MROH1: variants seen among roughly 807,000 people sequenced by gnomAD.
MROH1 encodes maestro heat like repeat family member 1, also known as maestro heat-like repeat-containing protein family member 1.
Under a neutral mutation model 116.5 loss-of-function variants are expected in MROH1, and 117 were observed. The ratio of observed to expected loss-of-function variants is 1.00; its 90% confidence interval spans 0.86 to 1.17. The LOEUF is 1.17. Ranked by LOEUF, MROH1 falls within the 50% of genes most tolerant of loss-of-function variation. The probability of loss-of-function intolerance (pLI) is 0.00; values close to 1 mark genes in which losing one functional copy is unlikely to be tolerated. For missense variants in MROH1, 1,873 were observed against 1,338.5 expected (o/e 1.40, Z -6.23); for synonymous variants, 921 against 583.9 (o/e 1.58, Z -8.32).
At chr8:144,171,976 A>C in intron 4 of MROH1, among the ~76,000 whole-genome samples, 1 of 152,254 alleles carries the variant, frequency 6.6e-6, no homozygotes, top group East Asian at 1.9e-4. Context: ...TTGGACAACC[A>C]GCGAACATTA....
intron 7 of MROH1, among the ~76,000 whole-genome samples, chr8:144,188,500 C>T (rs1827775348): frequency 1.7e-4 from 1 of 5,784 alleles, no homozygotes; most frequent in South Asian, 0.011. Flanking sequence ...GACAATCTCA[C>T]ACTGTCGCCC....
At chr8:144,211,641 G>A (rs530205685) in intron 12 of MROH1, among the ~76,000 whole-genome samples, 14 of 151,604 alleles carry the variant, frequency 9.2e-5, no homozygotes, top group Middle Eastern at 3.4e-3. Flanking sequence ...GCAGAGAATC[G>A]CTTAAACCCA....
At chr8:144,255,935 G>A (rs957129174) in intron 35 of MROH1, among the ~76,000 whole-genome samples, 10 of 152,250 alleles carry the variant, frequency 6.6e-5, no homozygotes, top group Admixed American at 5.2e-4. Flanking sequence ...GCCTCTGCGG[G>A]CGGTCTGCAC....
intron 14 of MROH1, among the ~76,000 whole-genome samples, chr8:144,225,469 A>T (rs995048979): frequency 6.7e-6 from 1 of 149,152 alleles, no homozygotes; most frequent in African/African-American, 2.5e-5. Context: ...GCTCCTGCCC[A>T]TAGACATTTT....
At chr8:144,202,227 GGA>G (rs1343736920) in intron 12 of MROH1, among the ~76,000 whole-genome samples, 1 of 152,100 alleles carries the variant, frequency 6.6e-6, no homozygotes, top group African/African-American at 2.4e-5. Context: ...TGGGCTGTCT[GGA>G]GGCTGGCGGG....
At chr8:144,168,652 G>A (rs150918908) in intron 4 of MROH1, among the ~76,000 whole-genome samples, 29 of 152,228 alleles carry the variant, frequency 1.9e-4, no homozygotes, top group East Asian at 5.8e-4. Context: ...CCCCCACCAC[G>A]GCACTGTTCA....
At chr8:144,161,810 C>G (rs566028598) in intron 2 of MROH1, among the ~76,000 whole-genome samples, 10 of 152,148 alleles carry the variant, frequency 6.6e-5, no homozygotes, top group African/African-American at 1.2e-4. Context: ...TCTTCCTGGA[C>G]GACGGAGCTG....
At chr8:144,217,884 A>G (rs1456345492) in intron 12 of MROH1, among the ~76,000 whole-genome samples, 4 of 151,394 alleles carry the variant, frequency 2.6e-5, no homozygotes, top group Non-Finnish European at 4.4e-5. Context: ...TTAGTGGCCC[A>G]GTATCCCTCG....
rs1035631410 is a variant in MROH1, at chr8:144,260,230, G to A, written c.4236G>A (p.Gly1412=). Residue 1412 remains glycine (G), a synonymous_variant, in exon 39 of 44, where the codon GGG becomes GGA. Coordinates refer to ENST00000326134, the MANE Select transcript of MROH1 (RefSeq NM_032450.3). ...GPQLLTAMIG[G]LDDGDNPHSP... is the part of the protein sequence containing the mutation. ...AGCTCCTCACAGCCATGATTGGCGG[G>A]CTGGACGACGGGGACAACCCTCACA... 5.2e-6 allele frequency: 4 copies of A among 765,816 alleles called. No individual in the cohort carries two copies. Among genetic ancestry groups the A allele is most frequent in the Non-Finnish European group, 2.4e-6 (1 of 417,606 alleles). 47.4% of individuals were successfully genotyped at this position (765,816 alleles called of 1,614,324 possible).
intron 34 of MROH1, 89 bp downstream of exon 34, chr8:144,255,067 C>A: frequency 3.1e-6 from 2 of 653,250 alleles, no homozygotes; most frequent in Admixed American, 2.3e-5. Context: ...TGAGGTGGCC[C>A]GGACGCCACC....
chr8:144,198,873 G>C (rs1257542852), intron 10 of MROH1, among the ~76,000 whole-genome samples: 1 of 152,114 alleles, frequency 6.6e-6, no homozygotes, highest in African/African-American at 2.4e-5. Flanking sequence ...GTTGCTGCCT[G>C]TCTCCCTCCT....
In MROH1 at chr8:144,210,806, TTTTG is replaced by T. The variant is rs1359558923; in HGVS notation, c.1142-9790_1142-9787del. Among the ~76,000 whole-genome samples the T allele has an allele frequency of 1.5e-4, 23 of 152,258 alleles. No individual in the cohort carries two copies. The South Asian group carries it at 1.7e-3, about 11-fold the overall frequency. ...TTTTTGGAGGCTTGACCATTGGTGA[TTTTG>T]TTTATTTTTAGTGTGGTAAAATACA... is the stretch of plus-strand genomic sequence containing the variant. On this transcript the variant is annotated intron_variant, in intron 12 of 43. Transcript: ENST00000326134.
intron 7 of MROH1, among the ~76,000 whole-genome samples, chr8:144,188,389 C>G (rs1827725573): frequency 6.6e-6 from 1 of 151,282 alleles, no homozygotes; most frequent in Non-Finnish European, 1.5e-5. Flanking sequence ...CTCTGCACCA[C>G]ATGTGCTTCA....
chr8:144,253,522 CTG>C (rs1216169269), intron 33 of MROH1, among the ~76,000 whole-genome samples: 9 of 152,224 alleles, frequency 5.9e-5, no homozygotes, highest in African/African-American at 2.2e-4. Context: ...GTGGCTGAGT[CTG>C]TGGCCTCCTG....
At chr8:144,242,546 G>A in intron 23 of MROH1, 31 bp downstream of exon 23, 1 of 780,514 alleles carries the variant, frequency 1.3e-6, no homozygotes, top group East Asian at 2.4e-5. Flanking sequence ...GCCACGCAGG[G>A]GAGCTGGGGC....
Position 144,247,635 on chromosome 8 carries a change from C to T in MROH1, c.3076C>T (p.Pro1026Ser), listed in dbSNP as rs1564558267. 2 of 764,506 alleles carry T rather than the reference C, an allele frequency of 2.6e-6. No individual in the cohort carries two copies. The highest frequency in any genetic ancestry group is 4.8e-6 in the Non-Finnish European group (2 of 414,994). 47.4% of individuals were successfully genotyped at this position (764,506 alleles called of 1,614,324 possible). The change falls in exon 31 of 44, where the codon CCT becomes TCT. Residue 1026 changes from proline (P) to serine (S), a missense_variant. Physicochemically the swap from Pro to Ser is moderately conservative, Grantham distance 74. Transcript: ENST00000326134. Reference protein sequence around the residue: ...LLSLKDGLVHPDPAILFHTCH... With the variant: ...LLSLKDGLVHSDPAILFHTCH... ...CAGCCTCAAGGACGGCCTCGTGCAC[C>T]CTGACCCCGCCATTCTCTTCCACAC...
chr8:144,220,546 C>T, intron 12 of MROH1, 54 bp from the exon 13 acceptor site: 1 of 1,511,652 alleles, frequency 6.6e-7, no homozygotes, highest in Non-Finnish European at 9.0e-7. Flanking sequence ...GTGGAATGGA[C>T]CTTGAGGTCC....
At chr8:144,248,431 G>A (rs982446970) in intron 31 of MROH1, among the ~76,000 whole-genome samples, 7 of 152,214 alleles carry the variant, frequency 4.6e-5, no homozygotes, top group Non-Finnish European at 1.0e-4. Flanking sequence ...CAGGTCCAGA[G>A]ACTGTGTCTC....
chr8:144,240,939 G>A (rs1180968528), intron 20 of MROH1, 53 bp from the exon 21 acceptor site: 4 of 717,484 alleles, frequency 5.6e-6, no homozygotes, highest in East Asian at 5.3e-5. Context: ...GCAGCGCTGG[G>A]TCTCCCTGTA....
Sources: gnomAD v4.1 joint callset for allele counts (sites outside exome capture counted in the v4.1 genomes callset) on GRCh38, gnomAD v4.1.1 for gene constraint, MANE v1.5 for transcripts, NCBI Gene and HGNC (gene_info 2026-07-23, HGNC 2026-07-21) for gene names.